Variants in TBC1D14 observed in about 807,000 individuals in gnomAD.
TBC1D14 encodes the protein TBC1 domain family member 14, also known as TBC1 domain family, member 14.
Under a neutral mutation model 79.0 loss-of-function variants are expected in TBC1D14, and 26 were observed. The ratio of observed to expected loss-of-function variants is 0.33; its 90% confidence interval spans 0.24 to 0.46. TBC1D14 has a LOEUF of 0.46. Ranked by LOEUF, TBC1D14 falls within the 20% of genes least tolerant of loss-of-function variation. TBC1D14 has a pLI of 1.00. For synonymous variants in TBC1D14, 394 were observed against 349.9 expected (o/e 1.13, Z -1.40); for missense variants, 769 against 887.6 (o/e 0.87, Z 1.70).
Position 7,025,096 on chromosome 4 carries a change from G to A in TBC1D14, c.1850G>A (p.Arg617His), listed in dbSNP as rs1223946697. The A allele has an allele frequency of 3.1e-6, 5 of 1,614,170 alleles. No individual in the cohort carries two copies. Among genetic ancestry groups the A allele is most frequent in the African/African-American group, 1.3e-5 (1 of 75,036 alleles). The change falls in exon 13 of 14, where the codon CGC (arginine) becomes CAC (histidine). Residue 617 changes from arginine (R) to histidine (H), a missense_variant. Transcript: ENST00000409757. ...CGCGATGGGGAAGAGTTCCTGTTCCGCACGGCCCTGGGCATCCTGAAGCTG... is the reference window on the plus strand; with the variant it reads ...CGCGATGGGGAAGAGTTCCTGTTCCACACGGCCCTGGGCATCCTGAAGCTG... ...FCRDGEEFLF[R>H]TALGILKLFE...
chr4:6,966,954 T>C (rs1442083379), intron 2 of TBC1D14, among the ~76,000 whole-genome samples: 1 of 152,024 alleles, frequency 6.6e-6, no homozygotes, highest in Non-Finnish European at 1.5e-5. Flanking sequence ...GGACTACAGG[T>C]GCCTGCCACC....
chr4:6,960,103 A>G lies in TBC1D14; in HGVS notation c.723-7201A>G, dbSNP rs1308414835. Among the ~76,000 whole-genome samples the G allele has an allele frequency of 3.0e-5, 4 of 133,664 alleles. No homozygotes were observed. In the Admixed American group the frequency reaches 3.2e-4, roughly 11 times the overall value. 87.7% of individuals were successfully genotyped at this position (133,664 alleles called of 152,430 possible). ...CCCCTTTTTTTTTTTTTTTTTTGAC[A>G]CAGAGTCTGGCTCTGTCACCCAGGC... is the stretch of plus-strand genomic sequence containing the variant. On this transcript the variant is annotated intron_variant, in intron 2 of 13. Coordinates refer to ENST00000409757, the MANE Select transcript of TBC1D14 (RefSeq NM_020773.3).
chr4:6,962,840 C>T (rs939253704), intron 2 of TBC1D14, among the ~76,000 whole-genome samples: 2 of 152,172 alleles, frequency 1.3e-5, no homozygotes, highest in Non-Finnish European at 2.9e-5. Flanking sequence ...GTTACCTGAC[C>T]CCTGTGCCTT....
rs889157260 is a variant in TBC1D14, at chr4:7,032,636, C to T, written c.*2244C>T. ...AGTTTCCTGGGTCCTCTTCAGAGGC[C>T]AGAAAGTTCTAAGTTCTGAGTCCCC... On this transcript the variant is annotated 3_prime_UTR_variant, in exon 14 of 14. Transcript: ENST00000409757. 6 of 152,232 alleles carry T rather than the reference C, an allele frequency of 3.9e-5. No individual in the cohort carries two copies. The East Asian group carries it at 9.6e-4, about 24-fold the overall frequency. The allele number at this position is 152,232 out of a possible 1,614,324, so 9.4% of individuals were successfully genotyped here.
intron 1 of TBC1D14, 60 bp from the exon 2 acceptor site, chr4:6,923,313 G>T: frequency 6.6e-7 from 1 of 1,517,436 alleles, no homozygotes; most frequent in Non-Finnish European, 8.9e-7. Context: ...CTGTGTGTCA[G>T]AGGTGTGGCA....
At chr4:6,992,148 G>A (rs539125764) in intron 3 of TBC1D14, among the ~76,000 whole-genome samples, 42 of 152,320 alleles carry the variant, frequency 2.8e-4, no homozygotes, top group African/African-American at 8.4e-4. Context: ...TGAGGCAGGC[G>A]GGGTTTCCCA....
intron 3 of TBC1D14, among the ~76,000 whole-genome samples, chr4:6,978,029 G>A (rs1716948152): frequency 6.6e-6 from 1 of 151,646 alleles, no homozygotes. Context: ...GGGACGTGAG[G>A]AGCGACTCCG....
At chr4:6,977,925 C>T (rs1457168629) in intron 3 of TBC1D14, among the ~76,000 whole-genome samples, 6 of 150,868 alleles carry the variant, frequency 4.0e-5, no homozygotes, top group East Asian at 2.0e-4. Context: ...CGTCTCTGCC[C>T]GGCCGCCCCG....
chr4:7,014,629 C>A, intron 12 of TBC1D14, 72 bp downstream of exon 12: 2 of 1,057,486 alleles, frequency 1.9e-6, no homozygotes, highest in Non-Finnish European at 1.4e-6. Flanking sequence ...TCTTCTCTGC[C>A]AACTTCTTCA....
chr4:6,964,443 A>G (rs1017513551), intron 2 of TBC1D14, among the ~76,000 whole-genome samples: 3 of 152,198 alleles, frequency 2.0e-5, no homozygotes, highest in Non-Finnish European at 4.4e-5. Context: ...AGAGACAGAC[A>G]ACGCCTCTTC....
chr4:6,987,494 C>T lies in TBC1D14; in HGVS notation c.844-6690C>T, dbSNP rs570085273. 226 of 721,154 alleles carry T rather than the reference C, an allele frequency of 3.1e-4. 1 individual carries two copies. The highest frequency in any genetic ancestry group is 3.1e-4 in the South Asian group (6 of 19,408). 44.7% of individuals were successfully genotyped at this position (721,154 alleles called of 1,614,324 possible). A position where few individuals can be genotyped will look rare whatever the true frequency, so the allele number is the denominator to read the frequency against. On this transcript the variant is annotated intron_variant, in intron 3 of 13. Transcript: ENST00000409757. ...GCATGTGTGCGGTTGTGCGGGTGTG[C>T]GAGCATCACGTGTATCTGTCCTCAA...
At chr4:6,955,184 A>C (rs1000284756) in intron 2 of TBC1D14, among the ~76,000 whole-genome samples, 2 of 152,168 alleles carry the variant, frequency 1.3e-5, no homozygotes, top group African/African-American at 4.8e-5. Flanking sequence ...TTGCATTTTC[A>C]AAGGAGAGTC....
intron 2 of TBC1D14, among the ~76,000 whole-genome samples, chr4:6,957,715 C>T (rs919331837): frequency 1.3e-5 from 2 of 152,166 alleles, no homozygotes; most frequent in African/African-American, 2.4e-5. Context: ...AGTTCGAGAC[C>T]GGCCTGGGCC....
At chr4:6,925,572 ATCTGTGGTGTGG>A (rs1440252378) in intron 2 of TBC1D14, among the ~76,000 whole-genome samples, 1 of 152,088 alleles carries the variant, frequency 6.6e-6, no homozygotes, top group Non-Finnish European at 1.5e-5. Flanking sequence ...GAGTGAGATG[ATCTGTGGTGTGG>A]TCTGTGGTTT....
At chr4:6,968,699 G>C (rs1332817941) in intron 3 of TBC1D14, among the ~76,000 whole-genome samples, 1 of 152,106 alleles carries the variant, frequency 6.6e-6, no homozygotes, top group Non-Finnish European at 1.5e-5. Context: ...GCCGAGAGGA[G>C]GCTGACTGCC....
At chr4:6,956,453 C>G (rs1010288754) in intron 2 of TBC1D14, among the ~76,000 whole-genome samples, 6 of 152,218 alleles carry the variant, frequency 3.9e-5, no homozygotes, top group African/African-American at 9.6e-5. Context: ...ACACAGGCTC[C>G]CAACACGCCA....
At chr4:6,935,723 A>G (rs973210641) in intron 2 of TBC1D14, among the ~76,000 whole-genome samples, 2 of 149,182 alleles carry the variant, frequency 1.3e-5, no homozygotes, top group East Asian at 2.0e-4. Flanking sequence ...GGCTCAATGC[A>G]GTCTCTGCCT....
intron 2 of TBC1D14, among the ~76,000 whole-genome samples, chr4:6,940,847 C>G (rs1307230480): frequency 6.6e-6 from 1 of 152,170 alleles, no homozygotes; most frequent in Non-Finnish European, 1.5e-5. Context: ...GTGCCTGTTA[C>G]AGCAGTCCAT....
intron 2 of TBC1D14, among the ~76,000 whole-genome samples, chr4:6,940,080 G>A (rs1577063434): frequency 6.6e-6 from 1 of 152,288 alleles, no homozygotes; most frequent in East Asian, 1.9e-4. Flanking sequence ...CGCAGCTGGT[G>A]CTTTAGTTAC....
Sources: allele counts gnomAD v4.1 joint callset (sites outside exome capture counted in the v4.1 genomes callset), GRCh38; gene constraint gnomAD v4.1.1; transcripts MANE v1.5; gene names NCBI Gene and HGNC (gene_info 2026-07-23, HGNC 2026-07-21).